Variants in XRCC5 observed in about 807,000 individuals in gnomAD.
XRCC5 encodes the protein DNA repair protein Ku80.
In XRCC5, 12 loss-of-function variants were observed where a neutral mutation model predicts 95.7. The ratio of observed to expected loss-of-function variants is 0.13; its 90% CI spans 0.08 to 0.20. The LOEUF is 0.20. XRCC5 is among the 10% of genes least tolerant of loss of function. The pLI is 1.00. For missense variants in XRCC5, 595 were observed against 873.9 expected (o/e 0.68, Z 4.02); for synonymous variants, 281 against 290.3 (o/e 0.97, Z 0.33).
intron 5 of XRCC5, 114 bp downstream of exon 5, chr2:216,119,279 C>A: frequency 8.8e-7 from 1 of 1,139,642 alleles, no homozygotes; most frequent in Non-Finnish European, 1.2e-6. Flanking sequence ...TGCTCCAAGG[C>A]TGAATCTGTC....
chr2:216,152,831 C>T (rs188338854), intron 14 of XRCC5, among the ~76,000 whole-genome samples: 44 of 151,786 alleles, frequency 2.9e-4, no homozygotes, highest in African/African-American at 8.9e-4. Context: ...TATATTTTGT[C>T]GAGATAGAGT....
chr2:216,132,180 GA>G, intron 9 of XRCC5, 144 bp from the exon 10 acceptor site: 1 of 695,336 alleles, frequency 1.4e-6, no homozygotes, highest in Non-Finnish European at 2.5e-6. Context: ...GTGTTGTATT[GA>G]ATTAAACTTC....
In XRCC5 at chr2:216,167,570, TTGTGTGTGTGTGTGTGTGTGTGTGTG is replaced by T. The variant is rs58499938; in HGVS notation, c.1834+5541_1834+5566del. ...ATCTCTCTCGTGTGTGTGTGTGGGTTTGTGTGTGTGTGTGTGTGTGTGTGTGTGTGTGTGTGTGTGTGTGATTTTTT... is the reference window on the plus strand; with the variant it reads ...ATCTCTCTCGTGTGTGTGTGTGGGTTTGTGTGTGTGTGTGTGTGATTTTTT... On this transcript the variant is annotated intron_variant, in intron 16 of 20. Transcript: ENST00000392132. Among the ~76,000 whole-genome samples, 589 of 138,500 alleles carry T rather than the reference TTGTGTGTGTGTGTGTGTGTGTGTGTG, an allele frequency of 4.3e-3. 19 individuals carry two copies. The East Asian group carries it at 0.091, about 21-fold the overall frequency. 90.9% of individuals were successfully genotyped at this position (138,500 alleles called of 152,430 possible).
chr2:216,158,792 G>C (rs138407317), intron 14 of XRCC5, among the ~76,000 whole-genome samples: 1 of 152,232 alleles, frequency 6.6e-6, no homozygotes, highest in Admixed American at 6.5e-5. Context: ...GATTACTTTA[G>C]TTCTTTTACC....
intron 12 of XRCC5, among the ~76,000 whole-genome samples, chr2:216,139,270 A>G (rs556143330): frequency 6.6e-6 from 1 of 152,068 alleles, no homozygotes; most frequent in African/African-American, 2.4e-5. Flanking sequence ...TACTGCTGAT[A>G]AAGACATACC....
chr2:216,123,891 CAGAT>C (rs1214225315), intron 6 of XRCC5, among the ~76,000 whole-genome samples: 7 of 152,172 alleles, frequency 4.6e-5, no homozygotes, highest in Non-Finnish European at 1.0e-4. Context: ...TGTAGCATAT[CAGAT>C]AGGGAAATTA....
At chr2:216,161,563 T>C (rs1190422176) in intron 15 of XRCC5, among the ~76,000 whole-genome samples, 5 of 152,224 alleles carry the variant, frequency 3.3e-5, no homozygotes, top group African/African-American at 1.2e-4. Flanking sequence ...GGCATTAAGC[T>C]GTATTTCTCA....
intron 4 of XRCC5, among the ~76,000 whole-genome samples, chr2:216,118,209 T>C (rs2106001795): frequency 6.6e-6 from 1 of 151,880 alleles, no homozygotes; most frequent in Middle Eastern, 3.4e-3. Context: ...TCTTGTTCTG[T>C]CACCCAGACT....
At chr2:216,179,235 A>T (rs2106038998) in intron 16 of XRCC5, among the ~76,000 whole-genome samples, 1 of 152,302 alleles carries the variant, frequency 6.6e-6, no homozygotes, top group South Asian at 2.1e-4. Flanking sequence ...CCATTACTGT[A>T]ATCTCTCCTT....
chr2:216,178,927 C>G (rs2106038849), intron 16 of XRCC5, among the ~76,000 whole-genome samples: 1 of 152,174 alleles, frequency 6.6e-6, no homozygotes, highest in East Asian at 1.9e-4. Flanking sequence ...ATCCATTCAA[C>G]AATTATTTGT....
chr2:216,110,685 C>T (rs1696570882), intron 1 of XRCC5: 2 of 152,220 alleles, frequency 1.3e-5, no homozygotes, highest in Non-Finnish European at 2.9e-5. Context: ...CCTTTGATGG[C>T]ACTTACTGGA....
chr2:216,124,880 G>A (rs573701463), intron 6 of XRCC5, among the ~76,000 whole-genome samples: 46 of 152,056 alleles, frequency 3.0e-4, no homozygotes, highest in Non-Finnish European at 5.7e-4. Flanking sequence ...TTTGATTATG[G>A]GCCAGATGAA....
intron 13 of XRCC5, among the ~76,000 whole-genome samples, chr2:216,146,627 T>C (rs1688640743): frequency 6.6e-6 from 1 of 152,260 alleles, no homozygotes; most frequent in Admixed American, 6.5e-5. Flanking sequence ...CTTTGTTTTT[T>C]AATGACATCT....
intron 16 of XRCC5, among the ~76,000 whole-genome samples, chr2:216,167,982 T>G (rs904852687): frequency 1.3e-5 from 2 of 152,182 alleles, no homozygotes; most frequent in African/African-American, 4.8e-5. Context: ...TTTCACTGGT[T>G]TTCTTTTTGA....
At chr2:216,187,997 T>C (rs1689539815) in intron 16 of XRCC5, among the ~76,000 whole-genome samples, 1 of 151,920 alleles carries the variant, frequency 6.6e-6, no homozygotes, top group Non-Finnish European at 1.5e-5. Context: ...GCTGTACCCC[T>C]ACCTCAGGAC....
chr2:216,194,626 CTT>C, intron 18 of XRCC5, among the ~76,000 whole-genome samples: 1 of 152,074 alleles, frequency 6.6e-6, no homozygotes, highest in Non-Finnish European at 1.5e-5. Context: ...AATTGGTTGC[CTT>C]TATAGTTTTA....
At chr2:216,150,905 TAAAA>T (rs939264402) in intron 14 of XRCC5, among the ~76,000 whole-genome samples, 2 of 151,794 alleles carry the variant, frequency 1.3e-5, no homozygotes, top group African/African-American at 4.8e-5. Flanking sequence ...AAAAGAAAAA[TAAAA>T]GAAAACGTAA....
At chr2:216,184,853 A>C (rs1430236087) in intron 16 of XRCC5, among the ~76,000 whole-genome samples, 1 of 152,196 alleles carries the variant, frequency 6.6e-6, no homozygotes, top group East Asian at 1.9e-4. Flanking sequence ...AGTTCATAAC[A>C]CACTGTGCCC....
intron 19 of XRCC5, among the ~76,000 whole-genome samples, chr2:216,200,759 A>C (rs1041346112): frequency 2.0e-5 from 3 of 152,222 alleles, no homozygotes; most frequent in Admixed American, 1.3e-4. Context: ...TTTGACCTTC[A>C]TATAATTGGA....
Sources: allele counts gnomAD v4.1 joint callset (sites outside exome capture counted in the v4.1 genomes callset), GRCh38; gene constraint gnomAD v4.1.1; transcripts MANE v1.5; gene names NCBI Gene and HGNC (gene_info 2026-07-23, HGNC 2026-07-21).